The following ATP8A2 variants were observed in gnomAD, a reference collection of about 807,000 sequenced individuals.
ATP8A2 encodes phospholipid-transporting ATPase IB.
In ATP8A2, 100 loss-of-function variants were observed where a neutral mutation model predicts 165.6. The ratio of observed to expected loss-of-function variants is 0.60; its 90% confidence interval spans 0.51 to 0.71. The LOEUF (loss-of-function observed/expected upper bound fraction) is 0.71. Among genes scored for constraint, ATP8A2 ranks in the 30% least tolerant of loss-of-function variants. ATP8A2 has a pLI of 0.00. For missense variants in ATP8A2, 1,227 were observed against 1,479.5 expected (o/e 0.83, Z 2.80); for synonymous variants, 543 against 548.8 (o/e 0.99, Z 0.15).
chr13:25,473,065 C>T (rs571954268), intron 2 of ATP8A2, among the ~76,000 whole-genome samples: 2 of 152,142 alleles, frequency 1.3e-5, no homozygotes, highest in East Asian at 3.9e-4. Context: ...TAGGGAAATG[C>T]CTAGAAAGCA....
intron 24 of ATP8A2, among the ~76,000 whole-genome samples, chr13:25,611,510 G>A (rs908677040): frequency 6.6e-6 from 1 of 152,224 alleles, no homozygotes; most frequent in African/African-American, 2.4e-5. Context: ...TGATCAAGGT[G>A]TGTTAACTTT....
intron 24 of ATP8A2, among the ~76,000 whole-genome samples, chr13:25,682,882 T>A (rs986141771): frequency 6.6e-6 from 1 of 152,200 alleles, no homozygotes; most frequent in African/African-American, 2.4e-5. Flanking sequence ...CCCTTCTGGC[T>A]GGTTTCACAT....
intron 6 of ATP8A2, chr13:25,534,193 C>T (rs1555292085): frequency 1.9e-6 from 1 of 532,936 alleles, no homozygotes. Flanking sequence ...GAATTCGCCA[C>T]CCTTTAAAGA....
intron 1 of ATP8A2, among the ~76,000 whole-genome samples, chr13:25,389,303 T>C (rs1469947361): frequency 6.6e-6 from 1 of 152,018 alleles, no homozygotes; most frequent in Admixed American, 6.6e-5. Flanking sequence ...TGTCATATTT[T>C]CCCCCCTAAA....
In ATP8A2 at chr13:25,770,577, C is replaced by T. The variant is rs141733893; in HGVS notation, c.2568+1348C>T. Among the ~76,000 whole-genome samples the T allele has an allele frequency of 2.6e-3, 401 of 152,284 alleles. 4 individuals are homozygous for T. Among genetic ancestry groups the T allele is most frequent in the African/African-American group, 8.7e-3 (360 of 41,546 alleles). On this transcript the variant is annotated intron_variant, in intron 26 of 36. Coordinates refer to ENST00000381655, the MANE Select transcript of ATP8A2 (RefSeq NM_016529.6). ...ACTCCAGTCTCCCTCACAGCCGGCT[C>T]TGCATGAATTACTCTTTCTCTACTG...
Position 25,941,649 on chromosome 13 carries a change from T to C in ATP8A2, c.3184-19926T>C, listed in dbSNP as rs1955075660. ...ACCACTGTCCCTCTTGTTCCCCATA[T>C]AGTCCTGGCAGCAGCACACACTGAA... On this transcript the variant is annotated intron_variant, in intron 33 of 36. Coordinates refer to ENST00000381655, the MANE Select transcript of ATP8A2 (RefSeq NM_016529.6). 2.0e-5 allele frequency among the ~76,000 whole-genome samples: 3 copies of C among 152,144 alleles called. No individual in the cohort carries two copies. In the South Asian group the frequency reaches 6.2e-4, roughly 32 times the overall value.
intron 24 of ATP8A2, among the ~76,000 whole-genome samples, chr13:25,694,842 G>A (rs182910466): frequency 3.8e-4 from 58 of 152,158 alleles, no homozygotes; most frequent in African/African-American, 1.3e-3. Flanking sequence ...GGCCAATTAT[G>A]TGCCTATATG....
At chr13:25,636,961 ATACCTG>A (rs1381828754) in intron 24 of ATP8A2, among the ~76,000 whole-genome samples, 1 of 151,858 alleles carries the variant, frequency 6.6e-6, no homozygotes, top group African/African-American at 2.4e-5. Flanking sequence ...ACAGTGGTGC[ATACCTG>A]TAGTCTCAGC....
Position 25,968,646 on chromosome 13 carries a change from G to A in ATP8A2, c.3344G>A (p.Gly1115Glu). ...CTGGAAACCAAGTCTCGAGTCCTGG[G>A]AAAAGCGGTGCTGCGGGATAGCAAT... is the stretch of plus-strand genomic sequence containing the variant. ...QELETKSRVL[G>E]KAVLRDSNGK... The change falls in exon 35 of 37, where the codon GGA (glycine) becomes GAA (glutamate). Residue 1115 changes from glycine (G) to glutamate (E), a missense_variant. This residue lies in a region of ATP8A2 where 260 missense variants were observed against 245.1 expected (regional missense o/e 1.06). Coordinates refer to ENST00000381655, the MANE Select transcript of ATP8A2 (RefSeq NM_016529.6). The A allele has an allele frequency of 6.2e-7, 1 of 1,613,782 alleles. No homozygotes were observed. Among genetic ancestry groups the A allele is most frequent in the South Asian group, 1.1e-5 (1 of 90,778 alleles).
chr13:25,555,966 G>A (rs1247120395), intron 13 of ATP8A2, among the ~76,000 whole-genome samples: 1 of 151,974 alleles, frequency 6.6e-6, no homozygotes. Context: ...TTTTTTTTCT[G>A]GCTATGTATT....
At chr13:25,431,632 T>C (rs999219743) in intron 1 of ATP8A2, among the ~76,000 whole-genome samples, 3 of 152,250 alleles carry the variant, frequency 2.0e-5, no homozygotes, top group Non-Finnish European at 4.4e-5. Flanking sequence ...ACCTTATTTT[T>C]TAATGTGAAA....
At chr13:25,826,741 T>C (rs371678565) in intron 27 of ATP8A2, among the ~76,000 whole-genome samples, 69 of 152,302 alleles carry the variant, frequency 4.5e-4, no homozygotes, top group African/African-American at 1.5e-3. Context: ...CAGACTCTCA[T>C]ATCTCATATA....
At chr13:25,757,880 C>T (rs1326612045) in intron 25 of ATP8A2, among the ~76,000 whole-genome samples, 2 of 152,102 alleles carry the variant, frequency 1.3e-5, no homozygotes, top group Non-Finnish European at 2.9e-5. Context: ...CCTTTCTGAG[C>T]TCAGTGACTA....
At chr13:25,429,340 A>G (rs2034537269) in intron 1 of ATP8A2, among the ~76,000 whole-genome samples, 1 of 148,116 alleles carries the variant, frequency 6.8e-6, no homozygotes, top group Non-Finnish European at 1.5e-5. Flanking sequence ...ATTGCACTCC[A>G]GCCTGGGCCC....
rs550302054 is a variant in ATP8A2, at chr13:25,567,072, A to G, written c.1473+3041A>G. 10 of 272,434 alleles carry G rather than the reference A, an allele frequency of 3.7e-5. No homozygotes were observed. The East Asian group carries it at 9.9e-4, about 27-fold the overall frequency. 16.9% of individuals were successfully genotyped at this position (272,434 alleles called of 1,614,324 possible). A position where few individuals can be genotyped will look rare whatever the true frequency, so the allele number is the denominator to read the frequency against. On this transcript the variant is annotated intron_variant, in intron 16 of 36. Coordinates refer to ENST00000381655, the MANE Select transcript of ATP8A2 (RefSeq NM_016529.6). ...CCTGGGGCAAATCCTTACTTGGAGAAGAGCTTCTCTGGGGACCCCCTACAT... is the reference window on the plus strand; with the variant it reads ...CCTGGGGCAAATCCTTACTTGGAGAGGAGCTTCTCTGGGGACCCCCTACAT...
chr13:25,604,003 G>A (rs935126841), intron 24 of ATP8A2, among the ~76,000 whole-genome samples: 33 of 151,970 alleles, frequency 2.2e-4, no homozygotes, highest in African/African-American at 7.0e-4. Flanking sequence ...GGATTGATAA[G>A]AGATAGCAAA....
intron 24 of ATP8A2, among the ~76,000 whole-genome samples, chr13:25,657,319 C>T (rs2041955135): frequency 6.6e-6 from 1 of 152,110 alleles, no homozygotes; most frequent in Admixed American, 6.6e-5. Context: ...CATTGCTATA[C>T]ATCAGTGATC....
chr13:25,638,734 C>G (rs2041435651), intron 24 of ATP8A2, among the ~76,000 whole-genome samples: 1 of 152,076 alleles, frequency 6.6e-6, no homozygotes, highest in Non-Finnish European at 1.5e-5. Context: ...GGCCAACATT[C>G]AAATTCAGGA....
chr13:25,643,615 G>A (rs2041593459), intron 24 of ATP8A2, among the ~76,000 whole-genome samples: 2 of 151,924 alleles, frequency 1.3e-5, no homozygotes, highest in Non-Finnish European at 2.9e-5. Flanking sequence ...CCTTCTATTG[G>A]TGAGTCTTTT....
Sources: allele counts gnomAD v4.1 joint callset (sites outside exome capture counted in the v4.1 genomes callset), GRCh38; gene constraint gnomAD v4.1.1; regional missense constraint gnomAD v4.1.1; transcripts MANE v1.5; gene names NCBI Gene and HGNC (gene_info 2026-07-23, HGNC 2026-07-21).